The following DNAJC1 variants were observed in gnomAD, a reference collection of about 807,000 sequenced individuals.
DNAJC1 encodes dnaJ homolog subfamily C member 1.
A neutral mutation model predicts 76.6 loss-of-function variants in DNAJC1; 58 were observed. That is an observed-to-expected ratio of 0.76 (90% CI 0.61 to 0.94). The LOEUF (loss-of-function observed/expected upper bound fraction) is 0.94, where lower values mean the gene tolerates loss of function less well. Among genes scored for constraint, DNAJC1 ranks in the 40% least tolerant of loss-of-function variants. The probability of loss-of-function intolerance (pLI) is 0.00; values close to 1 mark genes in which losing one functional copy is unlikely to be tolerated. For missense variants in DNAJC1, 689 were observed against 677.3 expected (o/e 1.02, Z -0.19); for synonymous variants, 258 against 267.9 (o/e 0.96, Z 0.36).
chr10:21,932,315 G>C (rs111752792), intron 1 of DNAJC1, among the ~76,000 whole-genome samples: 2 of 152,110 alleles, frequency 1.3e-5, no homozygotes, highest in Non-Finnish European at 2.9e-5. Flanking sequence ...ACTCCAGCCC[G>C]GGTGACACAG....
intron 8 of DNAJC1, among the ~76,000 whole-genome samples, chr10:21,862,874 T>G (rs1160443654): frequency 2.0e-5 from 3 of 152,114 alleles, no homozygotes; most frequent in African/African-American, 7.3e-5. Context: ...GGCTCACGCC[T>G]GTAATCCCGG....
rs114059943 is a variant in DNAJC1 at position 21,896,889 on chromosome 10, C to A, written c.820+7633G>T. On this transcript the variant is annotated intron_variant, in intron 7 of 11. Transcript: ENST00000376980. ...CTCTTCCCTCTTGAAAAAATTAAGA[C>A]TCTTACAAAAGAGACTTCACACAGC... is the stretch of plus-strand genomic sequence containing the variant. 4.9e-3 allele frequency among the ~76,000 whole-genome samples: 750 copies of A among 152,258 alleles called. 9 individuals are homozygous for A. The highest frequency in any genetic ancestry group is 0.017 in the African/African-American group (721 of 41,558).
chr10:21,871,700 T>G (rs1373462614), intron 8 of DNAJC1, among the ~76,000 whole-genome samples: 2 of 152,012 alleles, frequency 1.3e-5, no homozygotes, highest in Admixed American at 6.6e-5. Flanking sequence ...CAGGCTGGAG[T>G]GCAGTGGCGT....
At chr10:21,804,960 C>T (rs1265175509) in intron 9 of DNAJC1, among the ~76,000 whole-genome samples, 3 of 152,152 alleles carry the variant, frequency 2.0e-5, no homozygotes, top group East Asian at 1.9e-4. Context: ...ATTAGAGATG[C>T]GCAACTGTAA....
chr10:21,762,063 C>G (rs896133479), intron 10 of DNAJC1, among the ~76,000 whole-genome samples: 1 of 151,996 alleles, frequency 6.6e-6, no homozygotes, highest in African/African-American at 2.4e-5. Context: ...GTCAGCCTCT[C>G]GAGGAGCTGG....
chr10:21,986,955 A>G (rs1016885775), intron 1 of DNAJC1, among the ~76,000 whole-genome samples: 1 of 152,012 alleles, frequency 6.6e-6, no homozygotes, highest in Non-Finnish European at 1.5e-5. Flanking sequence ...TTTAGTAGAG[A>G]CGGGGTTTCA....
At chr10:21,816,201 C>T (rs1241327107) in intron 8 of DNAJC1, among the ~76,000 whole-genome samples, 1 of 150,870 alleles carries the variant, frequency 6.6e-6, no homozygotes, top group East Asian at 2.0e-4. Context: ...AACCCTGTCT[C>T]TACTAAAAAC....
chr10:21,950,708 A>C (rs1248700711), intron 1 of DNAJC1, among the ~76,000 whole-genome samples: 1 of 152,264 alleles, frequency 6.6e-6, no homozygotes. Flanking sequence ...GTGCTACTCC[A>C]GTGAACACAT....
intron 8 of DNAJC1, among the ~76,000 whole-genome samples, chr10:21,807,810 T>C (rs1834904101): frequency 6.6e-6 from 1 of 152,232 alleles, no homozygotes; most frequent in Non-Finnish European, 1.5e-5. Flanking sequence ...CGGAATTTCT[T>C]TGATATTTAA....
chr10:22,000,454 G>A (rs1838500852), intron 1 of DNAJC1, among the ~76,000 whole-genome samples: 1 of 152,196 alleles, frequency 6.6e-6, no homozygotes, highest in South Asian at 2.1e-4. Flanking sequence ...CTCAGATCTT[G>A]TCTCCTATTG....
At chr10:21,800,135 CCT>C (rs1050489150) in intron 9 of DNAJC1, among the ~76,000 whole-genome samples, 16 of 152,222 alleles carry the variant, frequency 1.1e-4, no homozygotes, top group African/African-American at 2.6e-4. Flanking sequence ...TGATCTTGCC[CCT>C]GTTTTCTCTG....
At chr10:21,839,682 G>C (rs948610188) in intron 8 of DNAJC1, among the ~76,000 whole-genome samples, 2 of 152,156 alleles carry the variant, frequency 1.3e-5, no homozygotes, top group Non-Finnish European at 2.9e-5. Flanking sequence ...ACAAGGAGGA[G>C]CTGGTACCAT....
At chr10:21,979,277 T>A (rs908030356) in intron 1 of DNAJC1, among the ~76,000 whole-genome samples, 1 of 152,036 alleles carries the variant, frequency 6.6e-6, no homozygotes. Context: ...AATCTCTGAG[T>A]GCAGCTCAAG....
At chr10:21,875,323 T>C (rs1836168569) in intron 8 of DNAJC1, among the ~76,000 whole-genome samples, 1 of 152,134 alleles carries the variant, frequency 6.6e-6, no homozygotes, top group African/African-American at 2.4e-5. Flanking sequence ...GCCTGGCTAA[T>C]TCATTTATTT....
intron 9 of DNAJC1, among the ~76,000 whole-genome samples, chr10:21,797,495 T>G (rs1026823187): frequency 6.6e-6 from 1 of 152,186 alleles, no homozygotes; most frequent in Non-Finnish European, 1.5e-5. Context: ...ATAATTTTTT[T>G]AAACAAAAAA....
At chr10:21,983,421 G>A (rs1838188569) in intron 1 of DNAJC1, among the ~76,000 whole-genome samples, 1 of 152,040 alleles carries the variant, frequency 6.6e-6, no homozygotes, top group Admixed American at 6.6e-5. Flanking sequence ...GCAAATTCAA[G>A]AGTAAGCAAG....
intron 7 of DNAJC1, among the ~76,000 whole-genome samples, chr10:21,899,677 C>T (rs941098318): frequency 2.0e-5 from 3 of 152,206 alleles, no homozygotes; most frequent in African/African-American, 7.2e-5. Flanking sequence ...CAGAGTTCTA[C>T]GAACAGAGCT....
At chr10:21,798,800 C>A (rs753992749) in intron 9 of DNAJC1, among the ~76,000 whole-genome samples, 2 of 152,184 alleles carry the variant, frequency 1.3e-5, no homozygotes, top group Non-Finnish European at 2.9e-5. Flanking sequence ...CTTAGGGCAA[C>A]TATCTTTGCT....
intron 1 of DNAJC1, among the ~76,000 whole-genome samples, chr10:21,943,846 G>A (rs1310760741): frequency 3.3e-5 from 5 of 151,570 alleles, no homozygotes; most frequent in African/African-American, 1.2e-4. Context: ...ATATAGTCAG[G>A]AAAGTGAGAA....
Sources: gnomAD v4.1 joint callset for allele counts (sites outside exome capture counted in the v4.1 genomes callset) on GRCh38, gnomAD v4.1.1 for gene constraint, MANE v1.5 for transcripts, NCBI Gene and HGNC (gene_info 2026-07-23, HGNC 2026-07-21) for gene names.